PPP4R4: variants seen among roughly 807,000 people sequenced by gnomAD.
PPP4R4 encodes the protein protein phosphatase 4 regulatory subunit 4.
PPP4R4 carries 70 observed loss-of-function variants against 121.8 expected under a neutral mutation model. The ratio of observed to expected loss-of-function variants is 0.57; its 90% CI spans 0.47 to 0.70. The LOEUF (loss-of-function observed/expected upper bound fraction) is 0.70, where lower values mean the gene tolerates loss of function less well. Ranked by LOEUF, PPP4R4 falls within the 30% of genes least tolerant of loss-of-function variation. The probability of loss-of-function intolerance (pLI) is 0.00; values close to 1 mark genes in which losing one functional copy is unlikely to be tolerated. For missense variants in PPP4R4, 875 were observed against 1,033.6 expected, an observed-to-expected ratio of 0.85 and a Z score of 2.10; for synonymous variants, 348 against 355.7, an observed-to-expected ratio of 0.98 and a Z score of 0.24.
chr14:94,255,807 C>T (rs1008856049), intron 16 of PPP4R4, among the ~76,000 whole-genome samples: 1 of 152,134 alleles, frequency 6.6e-6, no homozygotes, highest in African/African-American at 2.4e-5. Flanking sequence ...GATCATTTCA[C>T]CCCTCTGCTG....
intron 9 of PPP4R4, 89 bp downstream of exon 9, chr14:94,240,884 T>A: frequency 8.0e-6 from 11 of 1,371,642 alleles, no homozygotes; most frequent in Non-Finnish European, 1.0e-5. Context: ...CTTCAGTTAA[T>A]TGTAAAGCCT....
intron 3 of PPP4R4, among the ~76,000 whole-genome samples, chr14:94,216,987 T>C (rs1313425326): frequency 6.6e-6 from 1 of 152,124 alleles, no homozygotes; most frequent in Non-Finnish European, 1.5e-5. Context: ...AACTTGACCC[T>C]GGCAAAGGTC....
chr14:94,256,596 G>T lies in PPP4R4; in HGVS notation c.2002G>T (p.Val668Leu), dbSNP rs77742400. 5 of 1,602,434 alleles carry T rather than the reference G, an allele frequency of 3.1e-6. No homozygotes were observed. The highest frequency in any genetic ancestry group is 4.3e-6 in the Non-Finnish European group (5 of 1,173,116). ...QEKDKDVLAI[V>L]KRTVLELDRM... Reference sequence around the variant, plus strand: ...AAAAGATAAAGATGTTCTGGCTATTGTAAAAAGAGTAAGTATCACTCTTGC... The same window carrying T: ...AAAAGATAAAGATGTTCTGGCTATTTTAAAAAGAGTAAGTATCACTCTTGC... Residue 668 changes from valine to leucine, a missense_variant, in exon 17 of 25, where the codon GTA (valine) becomes TTA (leucine). Val to Leu is a conservative substitution (Grantham distance 32, BLOSUM62 1). Transcript: ENST00000304338.
intron 2 of PPP4R4, among the ~76,000 whole-genome samples, chr14:94,178,782 T>TG (rs1888815671): frequency 5.3e-5 from 8 of 152,208 alleles, no homozygotes; most frequent in Non-Finnish European, 1.2e-4. Context: ...ACAGCTTGTG[T>TG]CTTAGTCAAA....
intron 23 of PPP4R4, 142 bp downstream of exon 23, chr14:94,267,171 G>A: frequency 1.8e-6 from 1 of 558,908 alleles, no homozygotes; most frequent in Non-Finnish European, 3.1e-6. Context: ...TTAAACTTTT[G>A]TCTAGCAATT....
At chr14:94,195,249 A>G (rs1311317276) in intron 2 of PPP4R4, among the ~76,000 whole-genome samples, 1 of 151,774 alleles carries the variant, frequency 6.6e-6, no homozygotes, top group Non-Finnish European at 1.5e-5. Context: ...TCACCTGGAA[A>G]CTTCTTAGAA....
chr14:94,180,439 C>T (rs1888911835), intron 2 of PPP4R4, among the ~76,000 whole-genome samples: 2 of 152,072 alleles, frequency 1.3e-5, no homozygotes, highest in Admixed American at 1.3e-4. Context: ...TGCTATTATG[C>T]ATTAAATGTA....
intron 23 of PPP4R4, among the ~76,000 whole-genome samples, chr14:94,268,329 T>C (rs1894149276): frequency 6.6e-6 from 1 of 152,224 alleles, no homozygotes. Flanking sequence ...GTAATGAGCA[T>C]GTTTATTCAT....
chr14:94,246,553 C>T lies in PPP4R4; in HGVS notation c.1611+14C>T, dbSNP rs1206779575. ...ATGATGACAAATGTGAGCTCAGTACCTTTCATCTTATTCTTTTGAACTCAT... is the reference window on the plus strand; with the variant it reads ...ATGATGACAAATGTGAGCTCAGTACTTTTCATCTTATTCTTTTGAACTCAT... On this transcript the variant is annotated intron_variant, in intron 14 of 24. Transcript: ENST00000304338. 1.3e-6 allele frequency: 2 copies of T among 1,593,338 alleles called. No individual in the cohort carries two copies. The highest frequency in any genetic ancestry group is 2.2e-5 in the East Asian group (1 of 44,778).
chr14:94,264,022 G>T (rs1893909958), intron 19 of PPP4R4, among the ~76,000 whole-genome samples: 1 of 152,110 alleles, frequency 6.6e-6, no homozygotes, highest in African/African-American at 2.4e-5. Flanking sequence ...TAGCATAAGG[G>T]CCTCCTGTGT....
intron 21 of PPP4R4, 113 bp from the exon 22 acceptor site, chr14:94,265,681 G>A: frequency 1.1e-6 from 1 of 895,074 alleles, no homozygotes; most frequent in Non-Finnish European, 1.7e-6. Flanking sequence ...AAGGAAAAAA[G>A]GCTAAAGCCA....
intron 12 of PPP4R4, among the ~76,000 whole-genome samples, chr14:94,244,930 G>T (rs1892812067): frequency 1.3e-5 from 2 of 152,112 alleles, no homozygotes; most frequent in South Asian, 4.2e-4. Context: ...CTTAGTATAT[G>T]TATATTTGTT....
intron 2 of PPP4R4, among the ~76,000 whole-genome samples, chr14:94,203,992 T>G (rs543369535): frequency 8.9e-4 from 135 of 152,328 alleles, no homozygotes; most frequent in South Asian, 2.1e-3. Context: ...GTGGCTTGTC[T>G]TTTCATCCTT....
At chr14:94,185,374 G>A (rs1386590035) in intron 2 of PPP4R4, among the ~76,000 whole-genome samples, 1 of 152,126 alleles carries the variant, frequency 6.6e-6, no homozygotes, top group African/African-American at 2.4e-5. Flanking sequence ...CAGGAATGGT[G>A]GCTTGTGCCT....
At chr14:94,254,383 G>T (rs888865816) in intron 16 of PPP4R4, among the ~76,000 whole-genome samples, 2 of 152,198 alleles carry the variant, frequency 1.3e-5, no homozygotes, top group African/African-American at 4.8e-5. Flanking sequence ...TTCCACAGCT[G>T]CCAGAAATGA....
At chr14:94,231,124 T>C (rs1892008746) in intron 4 of PPP4R4, 118 bp from the exon 5 acceptor site, 2 of 746,456 alleles carry the variant, frequency 2.7e-6, no homozygotes, top group Non-Finnish European at 4.2e-6. Context: ...TTTAGAATAG[T>C]AATGAAAATA....
At chr14:94,264,245 T>C (rs1012889315) in intron 19 of PPP4R4, among the ~76,000 whole-genome samples, 2 of 152,100 alleles carry the variant, frequency 1.3e-5, no homozygotes, top group African/African-American at 2.4e-5. Flanking sequence ...ACCTCCCGGG[T>C]TGAAGTGATT....
intron 1 of PPP4R4, 139 bp from the exon 2 acceptor site, chr14:94,175,915 T>G (rs751358684): frequency 2.0e-5 from 14 of 698,860 alleles, no homozygotes; most frequent in Middle Eastern, 3.0e-4. Flanking sequence ...TATCCTCAGC[T>G]CCTTGATTAG....
At chr14:94,245,739 G>T in intron 13 of PPP4R4, 69 bp downstream of exon 13, 5 of 1,126,568 alleles carry the variant, frequency 4.4e-6, no homozygotes, top group Non-Finnish European at 6.3e-6. Flanking sequence ...GTGTTTTGAG[G>T]CATCAATGAA....
Sources: allele counts gnomAD v4.1 joint callset (sites outside exome capture counted in the v4.1 genomes callset), GRCh38; gene constraint gnomAD v4.1.1; transcripts MANE v1.5; gene names NCBI Gene and HGNC (gene_info 2026-07-23, HGNC 2026-07-21).